Variants in TNPO3 observed in about 807,000 individuals in gnomAD.
TNPO3 encodes transportin-3.
TNPO3 carries 65 observed loss-of-function variants against 122.8 expected under a neutral mutation model. The observed-to-expected ratio is 0.53, with a 90% confidence interval of 0.43 to 0.65. The LOEUF is 0.65. Among genes scored for constraint, TNPO3 ranks in the 30% least tolerant of loss-of-function variants. The pLI is 0.00. For synonymous variants in TNPO3, 372 were observed against 411.2 expected (o/e 0.90, Z 1.15); for missense variants, 850 against 1,136.7 (o/e 0.75, Z 3.63).
intron 4 of TNPO3, among the ~76,000 whole-genome samples, chr7:129,009,241 T>C (rs1490290274): frequency 1.3e-5 from 2 of 152,188 alleles, no homozygotes; most frequent in African/African-American, 4.8e-5. Context: ...CAGAAACACG[T>C]TTAAAACTTC....
At chr7:129,044,156 G>A (rs180737008) in intron 1 of TNPO3, among the ~76,000 whole-genome samples, 4 of 152,226 alleles carry the variant, frequency 2.6e-5, no homozygotes, top group East Asian at 3.9e-4. Flanking sequence ...CTTGAACCCC[G>A]ACCTCAAGTG....
chr7:128,962,637 G>A (rs1277584288), intron 21 of TNPO3, among the ~76,000 whole-genome samples: 1 of 152,228 alleles, frequency 6.6e-6, no homozygotes, highest in Non-Finnish European at 1.5e-5. Flanking sequence ...GCAATCTCAA[G>A]TCCTTTCTCT....
intron 1 of TNPO3, among the ~76,000 whole-genome samples, chr7:129,048,255 G>A (rs1418067039): frequency 6.6e-6 from 1 of 151,980 alleles, no homozygotes; most frequent in Admixed American, 6.6e-5. Context: ...TAGACCAGGT[G>A]CAGTGGCTCA....
intron 21 of TNPO3, among the ~76,000 whole-genome samples, chr7:128,964,023 C>T (rs1252196119): frequency 6.6e-6 from 1 of 152,044 alleles, no homozygotes; most frequent in Admixed American, 6.6e-5. Flanking sequence ...TAAAACAGCT[C>T]TTTAAAGTAC....
At chr7:129,007,620 C>G (rs1278436286) in intron 4 of TNPO3, among the ~76,000 whole-genome samples, 5 of 152,202 alleles carry the variant, frequency 3.3e-5, no homozygotes, top group Non-Finnish European at 7.3e-5. Flanking sequence ...TGAATAACAT[C>G]AGAACTTGAT....
intron 7 of TNPO3, among the ~76,000 whole-genome samples, chr7:128,999,195 G>C (rs1801662025): frequency 6.6e-6 from 1 of 152,120 alleles, no homozygotes. Context: ...TCATTTCATT[G>C]AATGTTTGAG....
In TNPO3 at chr7:128,975,823, A is replaced by G; in HGVS notation, c.2174T>C (p.Leu725Pro). ...EGCRQGLLDM[L>P]QALCIPTFQL... Reference sequence around the variant, plus strand: ...CACTCCTCATGGAAAAGATACCTGGAGCATGTCTAGCAGTCCCTGCCGACA... The same window carrying G: ...CACTCCTCATGGAAAAGATACCTGGGGCATGTCTAGCAGTCCCTGCCGACA... The change falls in exon 17 of 23, where the codon CTC becomes CCC. Residue 725 changes from leucine to proline, a missense_variant. Transcript: ENST00000265388. 1 of 1,607,278 alleles carries G rather than the reference A, an allele frequency of 6.2e-7. No homozygotes were observed. The highest frequency in any genetic ancestry group is 8.5e-7 in the Non-Finnish European group (1 of 1,173,744).
At chr7:129,000,286 T>C in intron 7 of TNPO3, 143 bp downstream of exon 7, 1 of 1,003,706 alleles carries the variant, frequency 1.0e-6, no homozygotes. Flanking sequence ...TTTTAAAAAA[T>C]TCCAAAACAG....
chr7:129,009,807 A>G (rs1403649411), intron 4 of TNPO3, among the ~76,000 whole-genome samples: 3 of 152,356 alleles, frequency 2.0e-5, no homozygotes, highest in African/African-American at 2.4e-5. Context: ...TGTAGCTACA[A>G]AGTTAGTACT....
At chr7:129,019,283 A>C (rs894707113) in intron 1 of TNPO3, among the ~76,000 whole-genome samples, 10 of 152,230 alleles carry the variant, frequency 6.6e-5, no homozygotes, top group African/African-American at 2.4e-4. Context: ...CTCTGGAAGA[A>C]GACTAACATG....
intron 8 of TNPO3, 87 bp downstream of exon 8, chr7:128,997,302 T>G (rs1801436063): frequency 4.7e-6 from 7 of 1,496,318 alleles, no homozygotes; most frequent in Middle Eastern, 3.5e-4. Flanking sequence ...CCAGCCAGGT[T>G]TATTATCTAT....
intron 18 of TNPO3, 68 bp downstream of exon 18, chr7:128,974,794 ACCAAGG>A (rs949658014): frequency 1.9e-5 from 24 of 1,256,648 alleles, no homozygotes; most frequent in Non-Finnish European, 2.7e-5. Flanking sequence ...GAATAAAACA[ACCAAGG>A]GTCAGATGGC....
Position 128,955,334 on chromosome 7 carries a change from G to A in TNPO3, c.*83C>T, listed in dbSNP as rs1796796241. 2.2e-6 allele frequency: 1 copy of A among 456,140 alleles called. No individual in the cohort carries two copies. The highest frequency in any genetic ancestry group is 4.4e-6 in the Non-Finnish European group (1 of 226,928). 28.3% of individuals were successfully genotyped at this position (456,140 alleles called of 1,614,324 possible). On this transcript the variant is annotated 3_prime_UTR_variant, in exon 23 of 23. Coordinates refer to ENST00000265388, the MANE Select transcript of TNPO3 (RefSeq NM_012470.4). ...CCACAACGGAGGTTTCTGATTGTGG[G>A]ACACAGTCTGGTTTTTGTTTTCTTC...
intron 1 of TNPO3, among the ~76,000 whole-genome samples, chr7:129,048,571 T>C (rs1284812825): frequency 6.6e-6 from 1 of 151,508 alleles, no homozygotes; most frequent in African/African-American, 2.4e-5. Context: ...AGTCAAAAAG[T>C]TCCTCTCCCT....
At chr7:129,035,252 C>T (rs1369797297) in intron 1 of TNPO3, among the ~76,000 whole-genome samples, 3 of 152,110 alleles carry the variant, frequency 2.0e-5, no homozygotes, top group Non-Finnish European at 4.4e-5. Flanking sequence ...CCGGCCTGGG[C>T]GAAAGAGCGA....
At chr7:128,996,950 C>T (rs1801401502) in intron 8 of TNPO3, among the ~76,000 whole-genome samples, 1 of 151,730 alleles carries the variant, frequency 6.6e-6, no homozygotes, top group Admixed American at 6.6e-5. Flanking sequence ...TATAAAATAG[C>T]TGTTTTTTTC....
At chr7:128,990,771 C>T (rs1373540067) in intron 10 of TNPO3, among the ~76,000 whole-genome samples, 1 of 152,210 alleles carries the variant, frequency 6.6e-6, no homozygotes, top group Non-Finnish European at 1.5e-5. Flanking sequence ...CTGTCCCCCA[C>T]AAAATATACT....
chr7:129,019,483 G>A (rs982806223), intron 1 of TNPO3, among the ~76,000 whole-genome samples: 1 of 152,130 alleles, frequency 6.6e-6, no homozygotes, highest in African/African-American at 2.4e-5. Flanking sequence ...TAGAATAAAT[G>A]GCTTGTACAA....
Position 128,986,813 on chromosome 7 carries a change from G to A in TNPO3, c.1606C>T (p.Gln536Ter), listed in dbSNP as rs763950145. 1.9e-6 allele frequency: 3 copies of A among 1,614,126 alleles called. No individual in the cohort carries two copies. Among genetic ancestry groups the A allele is most frequent in the Admixed American group, 1.7e-5 (1 of 60,020 alleles). Residue 536 changes from glutamine (Q) to a stop codon, truncating the protein, a stop_gained, in exon 12 of 23, where the codon CAG (glutamine) becomes TAG (stop). Transcript: ENST00000265388. LOFTEE classifies it high-confidence loss of function. ...ICSVCRDHMAQHFNGLLEIAR... is the reference protein window; with the variant it reads ...ICSVCRDHMA ...ATCTCCAGGAGTCCATTAAAGTGCT[G>A]AGCCATGTGATCTCGGCAGACAGAG...
Sources: gnomAD v4.1 joint callset for allele counts (sites outside exome capture counted in the v4.1 genomes callset) on GRCh38, gnomAD v4.1.1 for gene constraint, MANE v1.5 for transcripts, NCBI Gene and HGNC (gene_info 2026-07-23, HGNC 2026-07-21) for gene names.